Variants in KLRG1 observed in about 807,000 individuals in gnomAD.
KLRG1 encodes the protein killer cell lectin-like receptor subfamily G member 1.
Under a neutral mutation model 21.8 loss-of-function variants are expected in KLRG1, and 16 were observed. That is an observed-to-expected ratio of 0.73 (90% CI 0.50 to 1.11). KLRG1 has a LOEUF of 1.11. Among genes scored for constraint, KLRG1 ranks in the 50% most tolerant of loss-of-function variants. The pLI is 0.00. For missense variants in KLRG1, 173 were observed against 218.3 expected (o/e 0.79, Z 1.31); for synonymous variants, 69 against 75.9 (o/e 0.91, Z 0.47).
the KLRG1 span, chr12:9,094,852 C>A: frequency 2.1e-6 from 1 of 477,472 alleles, no homozygotes; most frequent in Non-Finnish European, 3.6e-6. Context: ...GAGCAATAAC[C>A]TTAATATGTA....
chr12:9,154,197 G>C, the KLRG1 span, among the ~76,000 whole-genome samples: 20 of 152,274 alleles, frequency 1.3e-4, no homozygotes, highest in African/African-American at 4.6e-4. Context: ...ATTTTTTCTT[G>C]TTTCAACTGG....
At chr12:9,152,632 A>G in the KLRG1 span, among the ~76,000 whole-genome samples, 1 of 152,248 alleles carries the variant, frequency 6.6e-6, no homozygotes, top group Non-Finnish European at 1.5e-5. Flanking sequence ...TTTGTTATTT[A>G]GTATATATTA....
the KLRG1 span, among the ~76,000 whole-genome samples, chr12:9,173,653 C>G: frequency 6.6e-6 from 1 of 152,144 alleles, no homozygotes; most frequent in Admixed American, 6.6e-5. Flanking sequence ...AATATCACCA[C>G]TGACCTCACA....
chr12:9,096,113 C>A, the KLRG1 span, among the ~76,000 whole-genome samples: 1,409 of 152,238 alleles, frequency 9.3e-3, 21 homozygotes, highest in African/African-American at 0.032. Context: ...GAACATCCGT[C>A]TTTCTTTGAG....
chr12:9,109,999 A>G, the KLRG1 span: 9 of 1,613,634 alleles, frequency 5.6e-6, no homozygotes, highest in Non-Finnish European at 7.6e-6. Flanking sequence ...TCTAACTGGA[A>G]ACTCTGCCAT....
At chr12:9,024,361 C>T in the KLRG1 span, among the ~76,000 whole-genome samples, 1 of 152,008 alleles carries the variant, frequency 6.6e-6, no homozygotes, top group Non-Finnish European at 1.5e-5. Flanking sequence ...CTCTTCTGTT[C>T]CTTTTTAAAA....
the KLRG1 span, among the ~76,000 whole-genome samples, chr12:9,132,763 T>TA: frequency 1.3e-5 from 2 of 152,206 alleles, no homozygotes; most frequent in African/African-American, 4.8e-5. Flanking sequence ...GAAGTTGTGT[T>TA]ACTGCAAATT....
At chr12:9,188,237 T>C in the KLRG1 span, among the ~76,000 whole-genome samples, 2 of 152,236 alleles carry the variant, frequency 1.3e-5, no homozygotes, top group African/African-American at 4.8e-5. Context: ...TATCAATAAA[T>C]GTGATTCATT....
chr12:8,983,395 CTT>C (rs764267755), intron 1 of KLRG1, among the ~76,000 whole-genome samples: 1 of 89,514 alleles, frequency 1.1e-5, no homozygotes, highest in South Asian at 3.9e-4. Flanking sequence ...ACCATTTTAC[CTT>C]TTTTTTTTTT....
the KLRG1 span, among the ~76,000 whole-genome samples, chr12:9,104,581 T>C: frequency 5.9e-5 from 9 of 151,982 alleles, no homozygotes; most frequent in Non-Finnish European, 1.5e-5. Flanking sequence ...GTGAAAGAGA[T>C]AGATGCTAAA....
At chr12:9,034,215 C>G in the KLRG1 span, among the ~76,000 whole-genome samples, 1 of 152,128 alleles carries the variant, frequency 6.6e-6, no homozygotes, top group Non-Finnish European at 1.5e-5. Context: ...AAGATTATAG[C>G]GAAGCTGAAA....
the KLRG1 span, chr12:9,101,030 A>G: frequency 1.1e-6 from 1 of 947,660 alleles, no homozygotes; most frequent in Non-Finnish European, 1.6e-6. Context: ...ACCAAACACC[A>G]CCTGTTCCCC....
the KLRG1 span, among the ~76,000 whole-genome samples, chr12:9,183,384 T>C: frequency 1.3e-5 from 2 of 148,938 alleles, no homozygotes; most frequent in African/African-American, 4.9e-5. Flanking sequence ...CATAACGTTA[T>C]GTTGTACACC....
At chr12:9,051,648 T>C in the KLRG1 span, among the ~76,000 whole-genome samples, 2 of 152,160 alleles carry the variant, frequency 1.3e-5, no homozygotes, top group Non-Finnish European at 2.9e-5. Flanking sequence ...TACGGGAAAA[T>C]CAACACCCCC....
chr12:9,203,882 G>C, the KLRG1 span: 2 of 1,614,058 alleles, frequency 1.2e-6, no homozygotes, highest in Non-Finnish European at 1.7e-6. Flanking sequence ...CATTCAGGTG[G>C]CTCAGAAGGA....
rs933588633 is a variant in KLRG1 at position 8,960,327 on chromosome 12, C to T, written c.-156+10091C>T. Among the ~76,000 whole-genome samples the T allele has an allele frequency of 5.3e-5, 8 of 152,162 alleles. No homozygotes were observed. The South Asian group carries it at 1.2e-3, about 24-fold the overall frequency. On this transcript the variant is annotated intron_variant, in intron 1 of 4. Transcript: ENST00000539240. Reference sequence around the variant, plus strand: ...CAGAGTACCAGAGAAAAGAGAGATGCGCAAAGAGTGAGCTCTAGATAACTA... The same window carrying T: ...CAGAGTACCAGAGAAAAGAGAGATGTGCAAAGAGTGAGCTCTAGATAACTA...
the KLRG1 span, chr12:9,164,356 G>T: frequency 7.4e-7 from 1 of 1,356,002 alleles, no homozygotes; most frequent in Non-Finnish European, 1.0e-6. Context: ...GCAGTAAATT[G>T]GGATTTGTAA....
chr12:9,033,247 G>T, the KLRG1 span, among the ~76,000 whole-genome samples: 1 of 151,962 alleles, frequency 6.6e-6, no homozygotes, highest in African/African-American at 2.4e-5. Flanking sequence ...GACTGGCCTG[G>T]GGAACGTAGA....
the KLRG1 span, among the ~76,000 whole-genome samples, chr12:9,021,188 A>G: frequency 2.5e-4 from 38 of 152,292 alleles, 1 homozygote; most frequent in South Asian, 6.6e-3. Flanking sequence ...GGTATATGAC[A>G]CTTACCATGA....
Sources: gnomAD v4.1 joint callset for allele counts (sites outside exome capture counted in the v4.1 genomes callset) on GRCh38, gnomAD v4.1.1 for gene constraint, MANE v1.5 for transcripts, NCBI Gene and HGNC (gene_info 2026-07-23, HGNC 2026-07-21) for gene names.